The following FAT3 variants were observed in gnomAD, a reference collection of about 807,000 sequenced individuals.
FAT3 encodes protocadherin Fat 3.
FAT3 carries 95 observed loss-of-function variants against 310.2 expected under a neutral mutation model. The ratio of observed to expected loss-of-function variants is 0.31; its 90% CI spans 0.26 to 0.36. FAT3 has a LOEUF of 0.36. Ranked by LOEUF, FAT3 falls within the 10% of genes least tolerant of loss-of-function variation. FAT3 has a pLI of 1.00. For missense variants in FAT3, 5,408 were observed against 5,715.6 expected (o/e 0.95, Z 1.74); for synonymous variants, 2,314 against 2,192.9 (o/e 1.06, Z -1.54).
At chr11:92,337,971 A>T (rs1237801969) in intron 1 of FAT3, among the ~76,000 whole-genome samples, 7 of 152,210 alleles carry the variant, frequency 4.6e-5, no homozygotes, top group African/African-American at 7.2e-5. Context: ...ATTTTTTTTT[A>T]AAAAACGAGG....
chr11:92,342,692 A>G (rs1272922384), intron 1 of FAT3, among the ~76,000 whole-genome samples: 1 of 152,160 alleles, frequency 6.6e-6, no homozygotes, highest in Non-Finnish European at 1.5e-5. Flanking sequence ...TTCCAGAGTA[A>G]GTGCTATTAC....
chr11:92,725,702 A>T (rs1015996845), intron 4 of FAT3, among the ~76,000 whole-genome samples: 2 of 152,166 alleles, frequency 1.3e-5, no homozygotes, highest in African/African-American at 2.4e-5. Context: ...TAAAAGTCCT[A>T]GGCAAGCTTC....
At chr11:92,487,897 A>G (rs1230178591) in intron 2 of FAT3, among the ~76,000 whole-genome samples, 1 of 152,190 alleles carries the variant, frequency 6.6e-6, no homozygotes, top group East Asian at 1.9e-4. Context: ...TCTGTGGTGG[A>G]CAGACTCTAA....
At chr11:92,289,792 T>C (rs1229811467) in intron 1 of FAT3, among the ~76,000 whole-genome samples, 1 of 151,954 alleles carries the variant, frequency 6.6e-6, no homozygotes, top group East Asian at 1.9e-4. Flanking sequence ...TCTTTACTGG[T>C]CTCTTTGCTT....
At chr11:92,443,205 T>C (rs540060169) in intron 2 of FAT3, among the ~76,000 whole-genome samples, 9 of 152,146 alleles carry the variant, frequency 5.9e-5, no homozygotes, top group Non-Finnish European at 8.8e-5. Context: ...AGAAAACCAG[T>C]CTTTTGAGGG....
intron 3 of FAT3, among the ~76,000 whole-genome samples, chr11:92,602,240 AT>A (rs1940065422): frequency 6.6e-6 from 1 of 151,868 alleles, no homozygotes; most frequent in Admixed American, 6.6e-5. Context: ...CGCCCGGCTA[AT>A]TTTTGTATTT....
intron 3 of FAT3, among the ~76,000 whole-genome samples, chr11:92,572,087 G>A (rs1938194343): frequency 6.6e-6 from 1 of 152,124 alleles, no homozygotes; most frequent in South Asian, 2.1e-4. Flanking sequence ...CCATGTGCCT[G>A]GCACTGGAGA....
intron 3 of FAT3, among the ~76,000 whole-genome samples, chr11:92,630,975 T>C (rs1477482058): frequency 1.3e-5 from 2 of 152,180 alleles, no homozygotes; most frequent in Non-Finnish European, 2.9e-5. Context: ...ATACAACATA[T>C]AAAGCAGTGA....
chr11:92,466,667 G>A (rs1951768022), intron 2 of FAT3, among the ~76,000 whole-genome samples: 3 of 150,608 alleles, frequency 2.0e-5, no homozygotes, highest in South Asian at 4.2e-4. Context: ...GTGCCATGCT[G>A]GTGTGCTGCA....
intron 2 of FAT3, among the ~76,000 whole-genome samples, chr11:92,425,537 T>C (rs1160198488): frequency 5.3e-5 from 8 of 151,916 alleles, no homozygotes; most frequent in Admixed American, 3.9e-4. Flanking sequence ...TCCCTCCCCT[T>C]GCCCCCACCC....
chr11:92,890,018 C>T, intron 27 of FAT3, 127 bp downstream of exon 27: 2 of 713,316 alleles, frequency 2.8e-6, no homozygotes, highest in South Asian at 3.0e-5. Context: ...CTCGTGCGCT[C>T]AGTATTGGAG....
chr11:92,410,524 G>A (rs35228080), intron 2 of FAT3, among the ~76,000 whole-genome samples: 6,032 of 152,168 alleles, frequency 0.04, 153 homozygotes, highest in Non-Finnish European at 0.064. Context: ...CAATGTCTTT[G>A]TTGAGTCAAC....
chr11:92,743,711 TG>T (rs879548245), intron 4 of FAT3, among the ~76,000 whole-genome samples: 63 of 152,320 alleles, frequency 4.1e-4, no homozygotes, highest in African/African-American at 1.4e-3. Flanking sequence ...TAATCCCCAA[TG>T]TGGCAGTATT....
At chr11:92,890,449 C>T (rs1240534306) in intron 27 of FAT3, 42 bp from the exon 28 acceptor site, 1 of 1,569,380 alleles carries the variant, frequency 6.4e-7, no homozygotes. Context: ...AGCACCAACT[C>T]CAGTCTAGAG....
At chr11:92,338,078 A>G (rs567121327) in intron 1 of FAT3, among the ~76,000 whole-genome samples, 1 of 152,316 alleles carries the variant, frequency 6.6e-6, no homozygotes, top group Admixed American at 6.5e-5. Context: ...TAAAGGTTAA[A>G]CAAATTTTCC....
At chr11:92,815,972 A>G (rs1023121665) in intron 13 of FAT3, among the ~76,000 whole-genome samples, 6 of 152,232 alleles carry the variant, frequency 3.9e-5, no homozygotes, top group Non-Finnish European at 5.9e-5. Context: ...TGTAAAACTA[A>G]TGATTTTGTA....
At chr11:92,637,228 A>C (rs1186745262) in intron 3 of FAT3, among the ~76,000 whole-genome samples, 2 of 152,316 alleles carry the variant, frequency 1.3e-5, no homozygotes, top group East Asian at 3.9e-4. Context: ...CTGGAAACCC[A>C]CTGCCCCATT....
rs372291767 is a variant in FAT3 at position 92,805,165 on chromosome 11, G to T, written c.8909G>T (p.Arg2970Leu). The change falls in exon 11 of 28, where the codon CGA becomes CTA. Residue 2970 changes from arginine to leucine, a missense_variant. By Grantham distance (102) the Arg-to-Leu change is moderately radical. Around this residue, in one of 5 missense-constraint regions of FAT3, gnomAD observed 4,588 missense variants for 4,809.8 expected, o/e 0.95. Coordinates refer to ENST00000525166, the MANE Select transcript of FAT3 (RefSeq NM_001367949.2). ...VSYHITGGNP[R>L]GRFALGLVQS... The stretch of plus-strand genomic sequence containing the variant: ...TTTTTAACTGCAGGAGGAAACCCTC[G>T]AGGAAGGTTTGCTCTGGGCCTGGTG... 2 of 1,609,562 alleles carry T rather than the reference G, an allele frequency of 1.2e-6. No homozygotes were observed. Among genetic ancestry groups the T allele is most frequent in the Non-Finnish European group, 1.7e-6 (2 of 1,177,274 alleles).
chr11:92,330,288 G>A (rs1267402526), intron 1 of FAT3, among the ~76,000 whole-genome samples: 3 of 152,100 alleles, frequency 2.0e-5, no homozygotes, highest in East Asian at 3.9e-4. Flanking sequence ...GCAGAATTTG[G>A]CATTAATCCA....
Sources: allele counts gnomAD v4.1 joint callset (sites outside exome capture counted in the v4.1 genomes callset), GRCh38; gene constraint gnomAD v4.1.1; regional missense constraint gnomAD v4.1.1; transcripts MANE v1.5; gene names NCBI Gene and HGNC (gene_info 2026-07-23, HGNC 2026-07-21).